ACSL4: variants seen among roughly 807,000 people sequenced by gnomAD.
The protein encoded by ACSL4 is acyl-CoA synthetase long chain family member 4.
ACSL4 carries 9 observed loss-of-function variants against 49.1 expected under a neutral mutation model. The observed-to-expected ratio is 0.18, with a 90% confidence interval of 0.11 to 0.32. ACSL4 has a LOEUF of 0.32. Ranked by LOEUF, ACSL4 falls within the 10% of genes least tolerant of loss-of-function variation. The pLI is 1.00. For synonymous variants in ACSL4, 191 were observed against 170.3 expected, an observed-to-expected ratio of 1.12 and a Z score of -0.95; for missense variants, 333 against 493.7, an observed-to-expected ratio of 0.67 and a Z score of 3.08.
intron 11 of ACSL4, 64 bp from the exon 12 acceptor site, chrX:109,665,558 G>A: frequency 1.1e-6 from 1 of 936,688 alleles, no homozygotes; most frequent in East Asian, 3.1e-5. Flanking sequence ...CAATGCACTG[G>A]GAATATTAGA....
intron 1 of ACSL4, among the ~76,000 whole-genome samples, chrX:109,708,186 T>C: frequency 8.9e-6 from 1 of 112,346 alleles, no homozygotes; most frequent in South Asian, 3.7e-4. Context: ...GCTCAAGCGA[T>C]CCATCTGCCT....
chrX:109,681,721 T>C (rs909811538), intron 4 of ACSL4, among the ~76,000 whole-genome samples: 2 of 112,274 alleles, frequency 1.8e-5, no homozygotes, highest in South Asian at 3.6e-4. Context: ...TAGGGCTTCT[T>C]CTTGATACAC....
intron 11 of ACSL4, 125 bp downstream of exon 11, chrX:109,667,976 G>T: frequency 2.0e-6 from 1 of 501,100 alleles, no homozygotes; most frequent in African/African-American, 2.3e-5. Context: ...AAACTACACT[G>T]ATTTGCAATG....
intron 1 of ACSL4, among the ~76,000 whole-genome samples, chrX:109,727,195 T>C (rs1928072050): frequency 8.9e-6 from 1 of 112,251 alleles, no homozygotes; most frequent in African/African-American, 3.2e-5. Context: ...TTTTCAACAT[T>C]ACACTTAGAA....
At chrX:109,707,423 G>A (rs1378964673) in intron 1 of ACSL4, among the ~76,000 whole-genome samples, 1 of 112,196 alleles carries the variant, frequency 8.9e-6, no homozygotes, top group African/African-American at 3.2e-5. Flanking sequence ...TGTGACAACA[G>A]GCCTTCAGTT....
rs1934520687 is a variant in ACSL4, at chrX:109,643,795, T to C, written c.*234A>G. 2.7e-6 allele frequency: 1 copy of C among 371,384 alleles called. No individual in the cohort carries two copies. The highest frequency in any genetic ancestry group is 2.5e-5 in the African/African-American group (1 of 39,950). 30.6% of individuals were successfully genotyped at this position (371,384 alleles called of 1,213,427 possible). On this transcript the variant is annotated 3_prime_UTR_variant, in exon 16 of 16. Transcript: ENST00000672401. ...TTTTAAAAACAGAATTTCTGCTCTA[T>C]AATAACACAGCTAAAGGGAAATAAC...
intron 9 of ACSL4, among the ~76,000 whole-genome samples, chrX:109,672,619 A>G (rs757787672): frequency 3.6e-5 from 4 of 111,473 alleles, no homozygotes; most frequent in Non-Finnish European, 7.5e-5. Context: ...ACTCTACCAA[A>G]AATAATTCTC....
At chrX:109,689,880 C>T (rs1433761325) in intron 2 of ACSL4, among the ~76,000 whole-genome samples, 1 of 112,154 alleles carries the variant, frequency 8.9e-6, no homozygotes, top group African/African-American at 3.2e-5. Context: ...GAATCTGTGA[C>T]TGGAACAGTG....
chrX:109,732,329 G>A (rs1928530621), intron 1 of ACSL4, among the ~76,000 whole-genome samples: 1 of 111,729 alleles, frequency 9.0e-6, no homozygotes, highest in African/African-American at 3.3e-5. Flanking sequence ...GGAGTGAAGA[G>A]GAGAAATGAC....
At chrX:109,652,433 CAA>C (rs1921219891) in intron 15 of ACSL4, among the ~76,000 whole-genome samples, 1 of 111,157 alleles carries the variant, frequency 9.0e-6, no homozygotes, top group Non-Finnish European at 1.9e-5. Context: ...TGCCTTCTAA[CAA>C]AGTGGGATAC....
chrX:109,699,156 C>G (rs1283613242), intron 1 of ACSL4, among the ~76,000 whole-genome samples: 1 of 112,058 alleles, frequency 8.9e-6, no homozygotes, highest in Non-Finnish European at 1.9e-5. Flanking sequence ...GACCTGAGTT[C>G]AAGAGTTTGA....
At chrX:109,731,851 T>C (rs1385383586) in intron 1 of ACSL4, among the ~76,000 whole-genome samples, 4 of 112,380 alleles carry the variant, frequency 3.6e-5, no homozygotes, top group African/African-American at 9.7e-5. Context: ...CCTTACACTG[T>C]TAAAATCTTG....
At chrX:109,693,342 T>C (rs1925187795) in intron 2 of ACSL4, among the ~76,000 whole-genome samples, 1 of 112,093 alleles carries the variant, frequency 8.9e-6, no homozygotes, top group South Asian at 3.7e-4. Flanking sequence ...CAAAGACTGA[T>C]AAATCTGTTG....
intron 15 of ACSL4, among the ~76,000 whole-genome samples, chrX:109,645,508 A>G (rs756180216): frequency 2.7e-5 from 3 of 112,039 alleles, no homozygotes; most frequent in African/African-American, 6.5e-5. Flanking sequence ...CATCCACACC[A>G]AAAACCGATC....
At chrX:109,691,425 C>A (rs1308886046) in intron 2 of ACSL4, among the ~76,000 whole-genome samples, 2 of 111,998 alleles carry the variant, frequency 1.8e-5, no homozygotes, top group Non-Finnish European at 3.8e-5. Context: ...TTTAAAAGAT[C>A]ATATTTCTAA....
chrX:109,650,047 C>G (rs1432659782), intron 15 of ACSL4, among the ~76,000 whole-genome samples: 52 of 110,874 alleles, frequency 4.7e-4, no homozygotes, highest in Middle Eastern at 4.6e-3. Flanking sequence ...GAGAGGATGT[C>G]GAGAAATAGG....
intron 9 of ACSL4, among the ~76,000 whole-genome samples, chrX:109,670,267 T>C (rs960056214): frequency 2.7e-5 from 3 of 111,135 alleles, no homozygotes; most frequent in Non-Finnish European, 5.7e-5. Context: ...CACTCACAAA[T>C]GAAGACAGCA....
chrX:109,666,570 T>C (rs192039977), intron 11 of ACSL4, among the ~76,000 whole-genome samples: 1 of 111,478 alleles, frequency 9.0e-6, no homozygotes, highest in African/African-American at 3.3e-5. Context: ...AATAGAAGGA[T>C]ACAGGATAAA....
intron 1 of ACSL4, among the ~76,000 whole-genome samples, chrX:109,716,229 A>G (rs1927108806): frequency 8.9e-6 from 1 of 111,942 alleles, no homozygotes; most frequent in African/African-American, 3.2e-5. Flanking sequence ...TAGAATAGGA[A>G]AGGAAGGTCA....
Sources: gnomAD v4.1 joint callset for allele counts (sites outside exome capture counted in the v4.1 genomes callset) on GRCh38, gnomAD v4.1.1 for gene constraint, MANE v1.5 for transcripts, NCBI Gene and HGNC (gene_info 2026-07-23, HGNC 2026-07-21) for gene names.